The following DZIP3 variants were observed in gnomAD, a reference collection of about 807,000 sequenced individuals.
DZIP3 encodes E3 ubiquitin-protein ligase DZIP3.
In DZIP3, 118 loss-of-function variants were observed where a neutral mutation model predicts 162.0. That is an observed-to-expected ratio of 0.73 (90% CI 0.63 to 0.85). The LOEUF is 0.85. Among genes scored for constraint, DZIP3 ranks in the 40% least tolerant of loss-of-function variants. DZIP3 has a pLI of 0.00. For synonymous variants in DZIP3, 438 were observed against 458.6 expected (o/e 0.96, Z 0.57); for missense variants, 1,331 against 1,407.0 (o/e 0.95, Z 0.86).
chr3:108,596,820 G>A (rs1939737687), intron 1 of DZIP3, among the ~76,000 whole-genome samples: 1 of 152,162 alleles, frequency 6.6e-6, no homozygotes, highest in South Asian at 2.1e-4. Context: ...ATATTCTAGT[G>A]GGGACATGAA....
At chr3:108,687,161 G>A (rs1944529316) in intron 28 of DZIP3, among the ~76,000 whole-genome samples, 1 of 151,738 alleles carries the variant, frequency 6.6e-6, no homozygotes, top group African/African-American at 2.4e-5. Context: ...CTTTTCACAA[G>A]TATTTTTATT....
intron 22 of DZIP3, among the ~76,000 whole-genome samples, chr3:108,670,627 T>C (rs1193814632): frequency 1.3e-5 from 2 of 151,986 alleles, no homozygotes; most frequent in Non-Finnish European, 2.9e-5. Context: ...TTTGTATTTC[T>C]TGGGTATGTA....
rs754241868 is a variant in DZIP3 at position 108,629,056 on chromosome 3, T to G, written c.582-6T>G. 21 of 1,558,292 alleles carry G rather than the reference T, an allele frequency of 1.3e-5. No individual in the cohort carries two copies. Among genetic ancestry groups the G allele is most frequent in the Non-Finnish European group, 1.4e-5 (16 of 1,150,014 alleles). ...CAAACTAACCTTATTTTAAAATGCC[T>G]TTCAGATATAATGGAGGACTGCTAG... On this transcript the variant is annotated splice_region_variant and splice_polypyrimidine_tract_variant and intron_variant, in intron 7 of 32. Coordinates refer to ENST00000361582, the MANE Select transcript of DZIP3 (RefSeq NM_014648.4).
intron 6 of DZIP3, 52 bp from the exon 7 acceptor site, chr3:108,625,793 A>G: frequency 6.0e-6 from 9 of 1,492,456 alleles, no homozygotes; most frequent in Non-Finnish European, 8.0e-6. Context: ...TTATTGTAAA[A>G]AAAAAAAAAA....
Position 108,644,680 on chromosome 3 carries a change from A to G in DZIP3, c.1658A>G (p.Asn553Ser). Residue 553 changes from asparagine (N) to serine (S), a missense_variant, in exon 14 of 33, where the codon AAT (asparagine) becomes AGT (serine). Around this residue, in one of 2 missense-constraint regions of DZIP3, gnomAD observed 1,278 missense variants for 1,317.1 expected, o/e 0.97. Transcript: ENST00000361582. The part of the protein sequence containing the change: ...MQEDIDKVKE[N>S]PIENISLDYH... Reference sequence around the variant, plus strand: ...GAGGATATTGACAAAGTGAAGGAGAATCCCATTGAGAATATCTCCCTTGAT... The same window carrying G: ...GAGGATATTGACAAAGTGAAGGAGAGTCCCATTGAGAATATCTCCCTTGAT... The G allele has an allele frequency of 1.2e-6, 2 of 1,613,812 alleles. No individual in the cohort carries two copies. The highest frequency in any genetic ancestry group is 1.7e-6 in the Non-Finnish European group (2 of 1,179,908).
chr3:108,685,116 A>C (rs944232146), intron 27 of DZIP3, among the ~76,000 whole-genome samples: 4 of 152,110 alleles, frequency 2.6e-5, no homozygotes, highest in African/African-American at 9.7e-5. Flanking sequence ...GACTCTGCTT[A>C]TTATTGTCGA....
At chr3:108,675,548 T>C (rs1576458640) in intron 24 of DZIP3, among the ~76,000 whole-genome samples, 1 of 152,062 alleles carries the variant, frequency 6.6e-6, no homozygotes, top group Admixed American at 6.6e-5. Flanking sequence ...TAGAAAAAAC[T>C]TGTTCTGGAA....
intron 5 of DZIP3, among the ~76,000 whole-genome samples, chr3:108,623,076 C>G (rs1026645270): frequency 2.0e-5 from 3 of 152,006 alleles, no homozygotes; most frequent in Non-Finnish European, 4.4e-5. Context: ...GTGCGTTTCT[C>G]TCTGGCCCAG....
At chr3:108,652,870 G>A (rs1298992857) in intron 18 of DZIP3, among the ~76,000 whole-genome samples, 1 of 152,036 alleles carries the variant, frequency 6.6e-6, no homozygotes, top group East Asian at 1.9e-4. Context: ...TAGCCTAGGA[G>A]CAATATGTGT....
chr3:108,611,122 GTGAA>G lies in DZIP3; in HGVS notation c.103-48_103-45del, dbSNP rs542728539. On this transcript the variant is annotated intron_variant, in intron 3 of 32. Transcript: ENST00000361582. ...GCTTTGGCTGATCTTAGAATTAAGAGTGAATGAGAATATGCAAACTGTGTAAATT... is the reference window on the plus strand; with the variant it reads ...GCTTTGGCTGATCTTAGAATTAAGAGTGAGAATATGCAAACTGTGTAAATT... The G allele has an allele frequency of 1.7e-4, 257 of 1,486,396 alleles. No homozygotes were observed. In the African/African-American group the frequency reaches 3.5e-3, roughly 20 times the overall value. The allele number at this position is 1,486,396 out of a possible 1,614,324, so 92.1% of individuals were successfully genotyped here. A position where few individuals can be genotyped will look rare whatever the true frequency, so the allele number is the denominator to read the frequency against.
At chr3:108,686,768 C>T (rs568963900) in intron 28 of DZIP3, among the ~76,000 whole-genome samples, 184 bp downstream of exon 28, 31 of 151,986 alleles carry the variant, frequency 2.0e-4, no homozygotes, top group African/African-American at 7.5e-4. Context: ...AATGGTGAAC[C>T]TCTTCATTAA....
intron 1 of DZIP3, among the ~76,000 whole-genome samples, chr3:108,590,706 G>C (rs1264780573): frequency 6.6e-6 from 1 of 152,190 alleles, no homozygotes; most frequent in East Asian, 1.9e-4. Context: ...GTAACATGCA[G>C]CAGTGGTAAA....
chr3:108,647,985 G>A lies in DZIP3; in HGVS notation c.1835G>A (p.Ser612Asn). 6.3e-7 allele frequency: 1 copy of A among 1,593,442 alleles called. No homozygotes were observed. Among genetic ancestry groups the A allele is most frequent in the Admixed American group, 1.8e-5 (1 of 55,710 alleles). ...TTACAGAATGAGGAAGAAGAACTAAGTCCACCTCTCATGGAGTACAATATA... is the reference window on the plus strand; with the variant it reads ...TTACAGAATGAGGAAGAAGAACTAAATCCACCTCTCATGGAGTACAATATA... ...EELQNEEEEL[S>N]PPLMEYNINV... The change falls in exon 16 of 33, where the codon AGT becomes AAT. Residue 612 changes from serine to asparagine, a missense_variant. Transcript: ENST00000361582.
intron 1 of DZIP3, among the ~76,000 whole-genome samples, chr3:108,593,906 C>A (rs1939567334): frequency 6.6e-6 from 1 of 151,994 alleles, no homozygotes; most frequent in Non-Finnish European, 1.5e-5. Flanking sequence ...CTCGAGTGAT[C>A]CGCTCGCCTC....
chr3:108,657,535 A>G (rs1158191065), intron 19 of DZIP3, among the ~76,000 whole-genome samples: 1 of 152,208 alleles, frequency 6.6e-6, no homozygotes, highest in African/African-American at 2.4e-5. Context: ...CTGCAAAAAC[A>G]TGCCAAATTG....
At chr3:108,613,872 A>G (rs138170900) in intron 4 of DZIP3, among the ~76,000 whole-genome samples, 5 of 152,306 alleles carry the variant, frequency 3.3e-5, no homozygotes, top group African/African-American at 1.2e-4. Flanking sequence ...TAAGATATAT[A>G]CCTCTAATCT....
At chr3:108,668,863 C>A (rs1487619876) in intron 21 of DZIP3, among the ~76,000 whole-genome samples, 1 of 151,908 alleles carries the variant, frequency 6.6e-6, no homozygotes, top group Admixed American at 6.6e-5. Flanking sequence ...AAAACTCTTC[C>A]ATTTATCCCA....
intron 12 of DZIP3, among the ~76,000 whole-genome samples, chr3:108,640,937 T>C (rs1942374163): frequency 1.3e-5 from 2 of 151,966 alleles, no homozygotes; most frequent in Admixed American, 1.3e-4. Flanking sequence ...TGACAATCTC[T>C]GCTTTTAAAT....
At chr3:108,662,294 C>T (rs1943474858) in intron 21 of DZIP3, 37 bp downstream of exon 21, 1 of 1,554,424 alleles carries the variant, frequency 6.4e-7, no homozygotes, top group Non-Finnish European at 8.6e-7. Context: ...AAATTCTGCG[C>T]CGTAATAAAC....
Sources: gnomAD v4.1 joint callset for allele counts (sites outside exome capture counted in the v4.1 genomes callset) on GRCh38, gnomAD v4.1.1 for gene constraint, gnomAD v4.1.1 regional missense constraint, MANE v1.5 for transcripts, NCBI Gene and HGNC (gene_info 2026-07-23, HGNC 2026-07-21) for gene names.